Variants in RFX3 observed in about 807,000 individuals in gnomAD.
RFX3 encodes transcription factor RFX3.
Under a neutral mutation model 98.6 loss-of-function variants are expected in RFX3, and 14 were observed. That is an observed-to-expected ratio of 0.14 (90% CI 0.09 to 0.22). RFX3 has a LOEUF of 0.22. Ranked by LOEUF, RFX3 falls within the 10% of genes least tolerant of loss-of-function variation. The probability of loss-of-function intolerance (pLI) is 1.00; values close to 1 mark genes in which losing one functional copy is unlikely to be tolerated. For synonymous variants in RFX3, 383 were observed against 328.4 expected (o/e 1.17, Z -1.80); for missense variants, 639 against 926.9 (o/e 0.69, Z 4.03).
chr9:3,294,769 C>T (rs1411038344), intron 5 of RFX3, among the ~76,000 whole-genome samples: 5 of 151,996 alleles, frequency 3.3e-5, no homozygotes, highest in African/African-American at 9.7e-5. Flanking sequence ...AAAACATAGC[C>T]ACCAAATCTA....
chr9:3,413,926 G>A (rs1447415603), intron 1 of RFX3, among the ~76,000 whole-genome samples: 1 of 151,976 alleles, frequency 6.6e-6, no homozygotes, highest in African/African-American at 2.4e-5. Context: ...TTGGTACTTA[G>A]AAATTCTCCC....
intron 7 of RFX3, among the ~76,000 whole-genome samples, chr9:3,282,181 G>C (rs1825999197): frequency 6.6e-6 from 1 of 151,774 alleles, no homozygotes; most frequent in African/African-American, 2.4e-5. Context: ...CTTCATGTCT[G>C]AAATGAACCA....
At chr9:3,437,878 CA>C (rs1224918215) in intron 1 of RFX3, among the ~76,000 whole-genome samples, 1 of 151,822 alleles carries the variant, frequency 6.6e-6, no homozygotes, top group Non-Finnish European at 1.5e-5. Flanking sequence ...AAATGCTTCT[CA>C]ATTTTTTGAA....
intron 8 of RFX3, among the ~76,000 whole-genome samples, chr9:3,276,989 T>C (rs1825310256): frequency 6.7e-6 from 1 of 149,972 alleles, no homozygotes; most frequent in Non-Finnish European, 1.5e-5. Flanking sequence ...TATAACTTTA[T>C]ACATAGGAAA....
intron 4 of RFX3, chr9:3,324,048 G>A: frequency 2.2e-6 from 1 of 453,288 alleles, no homozygotes; most frequent in South Asian, 1.6e-5. Context: ...GAAACAGACG[G>A]TTCATGGTAA....
chr9:3,397,443 C>A (rs1463362603), intron 1 of RFX3, among the ~76,000 whole-genome samples: 1 of 152,254 alleles, frequency 6.6e-6, no homozygotes, highest in Non-Finnish European at 1.5e-5. Flanking sequence ...AGAAAATTAA[C>A]CCCTCTTGGC....
In RFX3 at chr9:3,271,136, A is replaced by G; in HGVS notation, c.1087-18T>C. 6.2e-7 allele frequency: 1 copy of G among 1,600,320 alleles called. No individual in the cohort carries two copies. Among genetic ancestry groups the G allele is most frequent in the Non-Finnish European group, 8.6e-7 (1 of 1,167,724 alleles). On this transcript the variant is annotated intron_variant, in intron 9 of 16. Coordinates refer to ENST00000617270, the MANE Select transcript of RFX3 (RefSeq NM_001282116.2). ...AATATTGCCTAAAAAACAAAATGGT[A>G]CCAGTATTACCTTACAATATTATTT... is the stretch of plus-strand genomic sequence containing the variant.
At chr9:3,374,744 A>G (rs543079709) in intron 2 of RFX3, among the ~76,000 whole-genome samples, 2 of 152,292 alleles carry the variant, frequency 1.3e-5, no homozygotes, top group Admixed American at 1.3e-4. Context: ...GCTTTGCAAG[A>G]TGAAAAGAAT....
At chr9:3,231,253 G>A (rs1048708783) in intron 15 of RFX3, among the ~76,000 whole-genome samples, 1 of 152,112 alleles carries the variant, frequency 6.6e-6, no homozygotes, top group Non-Finnish European at 1.5e-5. Context: ...ATCCTGTGAA[G>A]AAGAGATAAG....
intron 2 of RFX3, among the ~76,000 whole-genome samples, chr9:3,375,088 G>A (rs1421233617): frequency 1.3e-5 from 2 of 152,230 alleles, no homozygotes; most frequent in East Asian, 1.9e-4. Flanking sequence ...GAGCCTCAGT[G>A]ACTAATATTT....
At chr9:3,447,616 T>TA (rs1334536341) in intron 1 of RFX3, among the ~76,000 whole-genome samples, 3 of 152,210 alleles carry the variant, frequency 2.0e-5, no homozygotes, top group Non-Finnish European at 4.4e-5. Context: ...ACCGACTTCT[T>TA]AACTTATCAC....
At chr9:3,504,779 GTATATAAAATATATATTATATTA>G (rs1446318834) in intron 1 of RFX3, among the ~76,000 whole-genome samples, 23 of 74,822 alleles carry the variant, frequency 3.1e-4, no homozygotes, top group Non-Finnish European at 5.1e-4. Flanking sequence ...TGTATATATT[GTATATAAAATATATATTATATTA>G]TATATAAAAT....
chr9:3,477,483 C>T (rs577799448), intron 1 of RFX3, among the ~76,000 whole-genome samples: 5 of 152,294 alleles, frequency 3.3e-5, no homozygotes, highest in Non-Finnish European at 5.9e-5. Context: ...CAGTCTTTTA[C>T]TTTCAATGTT....
chr9:3,218,354 T>C lies in RFX3; in HGVS notation c.*6688A>G, dbSNP rs762716711. On this transcript the variant is annotated 3_prime_UTR_variant, in exon 17 of 17. Coordinates refer to ENST00000617270, the MANE Select transcript of RFX3 (RefSeq NM_001282116.2). ...TAAAAGACAAGACACCATTTTGTTTTGAAAAACACAAGAAAGCTAGCCTGA... is the reference window on the plus strand; with the variant it reads ...TAAAAGACAAGACACCATTTTGTTTCGAAAAACACAAGAAAGCTAGCCTGA... 3.3e-5 allele frequency: 5 copies of C among 152,154 alleles called. No homozygotes were observed. Among genetic ancestry groups the C allele is most frequent in the Non-Finnish European group, 5.9e-5 (4 of 68,022 alleles). The allele number at this position is 152,154 out of a possible 1,614,324, so 9.4% of individuals were successfully genotyped here.
At position 3,286,808 on chromosome 9, in the gene RFX3, A is replaced by G. The variant is rs984348900; in HGVS notation, c.851+1323T>C. Among the ~76,000 whole-genome samples, 4 of 151,880 alleles carry G rather than the reference A, an allele frequency of 2.6e-5. No homozygotes were observed. The East Asian group carries it at 7.7e-4, about 29-fold the overall frequency. ...TTCTCCTTCTGTAATACCAGCCTCA[A>G]TAAATATGTCATGGACCATTTACCA... On this transcript the variant is annotated intron_variant, in intron 7 of 16. Transcript: ENST00000617270.
chr9:3,266,489 G>A (rs1823647873), intron 11 of RFX3, among the ~76,000 whole-genome samples, 184 bp from the exon 12 acceptor site: 1 of 151,784 alleles, frequency 6.6e-6, no homozygotes. Context: ...ATTATATTTT[G>A]GGCTTTTTCT....
chr9:3,224,441 C>G lies in RFX3; in HGVS notation c.*601G>C, dbSNP rs970213657. ...ACTCTGAACTGATAAATGTACAGCT[C>G]ATTTTTTCCTCAGAGAAAAATAGAT... On this transcript the variant is annotated 3_prime_UTR_variant, in exon 17 of 17. Transcript: ENST00000617270. 1 of 152,458 alleles carries G rather than the reference C, an allele frequency of 6.6e-6. No individual in the cohort carries two copies. Among genetic ancestry groups the G allele is most frequent in the African/African-American group, 2.4e-5 (1 of 41,416 alleles). The allele number at this position is 152,458 out of a possible 1,614,324, so 9.4% of individuals were successfully genotyped here. A position where few individuals can be genotyped will look rare whatever the true frequency, so the allele number is the denominator to read the frequency against.
chr9:3,394,750 A>T, intron 2 of RFX3: 1 of 775,468 alleles, frequency 1.3e-6, no homozygotes, highest in Non-Finnish European at 1.6e-6. Context: ...AGATAATGTT[A>T]TATGACATAT....
At position 3,231,286 on chromosome 9, in the gene RFX3, A is replaced by G. The variant is rs536162886; in HGVS notation, c.1969-2397T>C. ...AAGATTTTACTATCCTATAGAGCTG[A>G]AGGTAAAGGCTTTTATATGCATTTT... On this transcript the variant is annotated intron_variant, in intron 15 of 16. Coordinates refer to ENST00000617270, the MANE Select transcript of RFX3 (RefSeq NM_001282116.2). 3.9e-5 allele frequency among the ~76,000 whole-genome samples: 6 copies of G among 152,326 alleles called. No individual in the cohort carries two copies. The East Asian group carries it at 1.2e-3, about 29-fold the overall frequency.
Sources: gnomAD v4.1 joint callset for allele counts (sites outside exome capture counted in the v4.1 genomes callset) on GRCh38, gnomAD v4.1.1 for gene constraint, MANE v1.5 for transcripts, NCBI Gene and HGNC (gene_info 2026-07-23, HGNC 2026-07-21) for gene names.